Variants in STAT4 observed in about 807,000 individuals in gnomAD.
The protein encoded by STAT4 is signal transducer and activator of transcription 4.
In STAT4, 42 loss-of-function variants were observed where a neutral mutation model predicts 110.5. The ratio of observed to expected loss-of-function variants is 0.38; its 90% CI spans 0.30 to 0.49. STAT4 has a LOEUF of 0.49. Ranked by LOEUF, STAT4 falls within the 20% of genes least tolerant of loss-of-function variation. STAT4 has a pLI of 0.95. For synonymous variants in STAT4, 284 were observed against 302.2 expected, an observed-to-expected ratio of 0.94 and a Z score of 0.63; for missense variants, 632 against 887.9, an observed-to-expected ratio of 0.71 and a Z score of 3.66.
At chr2:191,093,534 T>G (rs749434706) in intron 3 of STAT4, among the ~76,000 whole-genome samples, 7 of 152,072 alleles carry the variant, frequency 4.6e-5, no homozygotes, top group Non-Finnish European at 8.8e-5. Flanking sequence ...CAGAAAGGAA[T>G]AGCATCAACA....
At chr2:191,040,706 C>T (rs1411985842) in intron 15 of STAT4, among the ~76,000 whole-genome samples, 2 of 152,080 alleles carry the variant, frequency 1.3e-5, no homozygotes, top group South Asian at 2.1e-4. Flanking sequence ...GGACTACAGG[C>T]ACATGCCACC....
chr2:191,054,379 A>G, intron 14 of STAT4, 111 bp downstream of exon 14: 1 of 920,508 alleles, frequency 1.1e-6, no homozygotes, highest in Non-Finnish European at 1.6e-6. Context: ...CTATAATGAG[A>G]AAAACATGAA....
chr2:191,115,515 C>G (rs983877832), intron 3 of STAT4, among the ~76,000 whole-genome samples: 1 of 152,328 alleles, frequency 6.6e-6, no homozygotes, highest in South Asian at 2.1e-4. Flanking sequence ...CTGTCAACCA[C>G]GCTTCAATGC....
intron 3 of STAT4, among the ~76,000 whole-genome samples, chr2:191,137,516 T>C (rs569675723): frequency 3.3e-5 from 5 of 150,640 alleles, no homozygotes; most frequent in Non-Finnish European, 7.4e-5. Flanking sequence ...AATAGTAAAA[T>C]AGAAAAAAAA....
At position 191,061,680 on chromosome 2, in the gene STAT4, G is replaced by A. The variant is rs763033583; in HGVS notation, c.1034+49C>T. ...GAGAAATTGGCCTTGATCATCCAGA[G>A]ACTATAGCTCCACAAACACACGAAA... On this transcript the variant is annotated intron_variant, in intron 10 of 23. Transcript: ENST00000392320. The surrounding 1 kb of genome is among the most constrained non-coding windows in gnomAD (Gnocchi z 6.2). 1.3e-6 allele frequency: 2 copies of A among 1,549,782 alleles called. No homozygotes were observed. The highest frequency in any genetic ancestry group is 2.2e-5 in the East Asian group (1 of 44,540).
chr2:191,076,157 G>T, intron 4 of STAT4, 70 bp downstream of exon 4: 2 of 1,298,870 alleles, frequency 1.5e-6, no homozygotes, highest in South Asian at 1.2e-5. Flanking sequence ...CCCTACCAAA[G>T]ATAATAATTT....
chr2:191,150,554 G>T lies in STAT4; in HGVS notation c.-2+393C>A, dbSNP rs529231318. On this transcript the variant is annotated intron_variant, in intron 1 of 23. Transcript: ENST00000392320. This position sits in a 1 kb window ranked among gnomAD's most constrained non-coding sequence, Gnocchi z 6.4. ...ATCAAAGCCACAGTCACCGGCTGCC[G>T]TAGCTGCAAGCTTTTTTCTGAAATC... Among the ~76,000 whole-genome samples the T allele has an allele frequency of 3.3e-4, 51 of 152,320 alleles. No homozygotes were observed. The highest frequency in any genetic ancestry group is 1.1e-3 in the African/African-American group (47 of 41,584).
At position 191,148,211 on chromosome 2, in the gene STAT4, AAGAAGGTGT is replaced by A; in HGVS notation, c.-1-16_-1-8del. The A allele has an allele frequency of 6.2e-7, 1 of 1,612,934 alleles. No homozygotes were observed. The highest frequency in any genetic ancestry group is 8.5e-7 in the Non-Finnish European group (1 of 1,179,456). On this transcript the variant is annotated splice_region_variant and splice_polypyrimidine_tract_variant and intron_variant, in intron 1 of 23. Coordinates refer to ENST00000392320, the MANE Select transcript of STAT4 (RefSeq NM_003151.4). The stretch of plus-strand genomic sequence containing the variant: ...TTGATTCCACTGAGACATGCTATAA[AAGAAGGTGT>A]AGAATTAGAGTTTTAAAATATTGTT...
Position 191,082,206 on chromosome 2 carries a change from A to T in STAT4, c.274-5881T>A, listed in dbSNP as rs1201237486. Reference sequence around the variant, plus strand: ...CTTCCTTTCTTACATCCTATAAAGGATTTTATTGTTGCTTTCCAAGAAAAC... The same window carrying T: ...CTTCCTTTCTTACATCCTATAAAGGTTTTTATTGTTGCTTTCCAAGAAAAC... On this transcript the variant is annotated intron_variant, in intron 3 of 23. Transcript: ENST00000392320. This position sits in a 1 kb window ranked among gnomAD's most constrained non-coding sequence, Gnocchi z 4.7. Among the ~76,000 whole-genome samples the T allele has an allele frequency of 9.2e-5, 14 of 152,116 alleles. No homozygotes were observed. The highest frequency in any genetic ancestry group is 8.5e-4 in the Admixed American group (13 of 15,252).
chr2:191,110,985 C>T lies in STAT4; in HGVS notation c.274-34660G>A, dbSNP rs1373029507. Among the ~76,000 whole-genome samples, 1 of 152,098 alleles carries T rather than the reference C, an allele frequency of 6.6e-6. No homozygotes were observed. The highest frequency in any genetic ancestry group is 1.9e-4 in the East Asian group (1 of 5,186). On this transcript the variant is annotated intron_variant, in intron 3 of 23. Coordinates refer to ENST00000392320, the MANE Select transcript of STAT4 (RefSeq NM_003151.4). The surrounding 1 kb of genome is among the most constrained non-coding windows in gnomAD (Gnocchi z 4.5). ...ATTTTTAGTAGAGACAAGGTTTCAC[C>T]ATGTTGCCCAGGCTGGTCTTGAACT... is the stretch of plus-strand genomic sequence containing the variant.
At position 191,144,932 on chromosome 2, in the gene STAT4, A is replaced by AT. The variant is rs147192279; in HGVS notation, c.273+1680dup. On this transcript the variant is annotated intron_variant, in intron 3 of 23. Coordinates refer to ENST00000392320, the MANE Select transcript of STAT4 (RefSeq NM_003151.4). This position sits in a 1 kb window ranked among gnomAD's most constrained non-coding sequence, Gnocchi z 4.7. ...GCTCAAAGCCACATTTGAGAGTCAG[A>AT]TTTTTAACCCAGACCTTCTTGGTTC... Among the ~76,000 whole-genome samples, 1,843 of 152,270 alleles carry AT rather than the reference A, an allele frequency of 0.012. 40 individuals are homozygous for AT. The highest frequency in any genetic ancestry group is 0.043 in the African/African-American group (1,778 of 41,558).
At chr2:191,126,278 A>G (rs1698876812) in intron 3 of STAT4, among the ~76,000 whole-genome samples, 1 of 152,234 alleles carries the variant, frequency 6.6e-6, no homozygotes, top group Non-Finnish European at 1.5e-5. Context: ...TTGATTAAGT[A>G]TCTCTTTGAA....
chr2:191,132,424 G>A lies in STAT4; in HGVS notation c.273+14189C>T, dbSNP rs550688331. ...ATTACAGCATCATTGAGAGCTTCTT[G>A]AAAAACTACTTGATGAAATCTAGGC... On this transcript the variant is annotated intron_variant, in intron 3 of 23. Transcript: ENST00000392320. Among the ~76,000 whole-genome samples, 7 of 151,836 alleles carry A rather than the reference G, an allele frequency of 4.6e-5. No homozygotes were observed. In the East Asian group the frequency reaches 1.3e-3, roughly 29 times the overall value.
At position 191,143,646 on chromosome 2, in the gene STAT4, T is replaced by C. The variant is rs1386576337; in HGVS notation, c.273+2967A>G. Among the ~76,000 whole-genome samples the C allele has an allele frequency of 6.6e-6, 1 of 152,200 alleles. No homozygotes were observed. Among genetic ancestry groups the C allele is most frequent in the Non-Finnish European group, 1.5e-5 (1 of 68,034 alleles). Reference sequence around the variant, plus strand: ...CTGTTCTATAAAGAACCAAAATAAATCTACCTTATACATCCCTTAGTTCCC... The same window carrying C: ...CTGTTCTATAAAGAACCAAAATAAACCTACCTTATACATCCCTTAGTTCCC... On this transcript the variant is annotated intron_variant, in intron 3 of 23. Transcript: ENST00000392320. The surrounding 1 kb of genome is among the most constrained non-coding windows in gnomAD (Gnocchi z 5.6).
intron 15 of STAT4, among the ~76,000 whole-genome samples, chr2:191,040,275 C>T (rs1427274771): frequency 6.6e-6 from 1 of 152,142 alleles, no homozygotes; most frequent in Non-Finnish European, 1.5e-5. Flanking sequence ...ATCAAAGCAA[C>T]ATACTGTAAT....
At position 191,034,668 on chromosome 2, in the gene STAT4, T is replaced by C. The variant is rs1323178673; in HGVS notation, c.1571-71A>G. 5.2e-6 allele frequency: 6 copies of C among 1,144,422 alleles called. No homozygotes were observed. The African/African-American group carries it at 9.1e-5, about 17-fold the overall frequency. The allele number at this position is 1,144,422 out of a possible 1,614,324, so 70.9% of individuals were successfully genotyped here. ...GCTTCAATTTTGTGCTCAATTTAGATATTTTGCCTCTTCCCTTTCAAGCAT... is the reference window on the plus strand; with the variant it reads ...GCTTCAATTTTGTGCTCAATTTAGACATTTTGCCTCTTCCCTTTCAAGCAT... On this transcript the variant is annotated intron_variant, in intron 17 of 23. Transcript: ENST00000392320.
intron 4 of STAT4, chr2:191,076,006 T>C (rs1697306952): frequency 4.2e-6 from 2 of 477,092 alleles, no homozygotes; most frequent in East Asian, 3.6e-5. Context: ...TGTGCCACCA[T>C]AGCCAACTAA....
At chr2:191,072,274 A>G (rs996236708) in intron 5 of STAT4, among the ~76,000 whole-genome samples, 1 of 152,012 alleles carries the variant, frequency 6.6e-6, no homozygotes, top group Non-Finnish European at 1.5e-5. Context: ...TGCATGGCAG[A>G]TTATTAATAA....
In STAT4 at chr2:191,150,775, C is replaced by T. The variant is rs1386268689; in HGVS notation, c.-2+172G>A. On this transcript the variant is annotated intron_variant, in intron 1 of 23. Coordinates refer to ENST00000392320, the MANE Select transcript of STAT4 (RefSeq NM_003151.4). The surrounding 1 kb of genome is among the most constrained non-coding windows in gnomAD (Gnocchi z 6.4). ...TTTCCGCGGAGAACCCGTGCCAGGG[C>T]GCATCTGTGGGTCGTGGAGTCGGGC... Among the ~76,000 whole-genome samples the T allele has an allele frequency of 6.6e-6, 1 of 152,208 alleles. No individual in the cohort carries two copies. The highest frequency in any genetic ancestry group is 1.5e-5 in the Non-Finnish European group (1 of 68,024).
Sources: gnomAD v4.1 joint callset for allele counts (sites outside exome capture counted in the v4.1 genomes callset) on GRCh38, gnomAD v4.1.1 for gene constraint, Gnocchi (gnomAD v3.1) non-coding constraint, MANE v1.5 for transcripts, NCBI Gene and HGNC (gene_info 2026-07-23, HGNC 2026-07-21) for gene names.